The following SYT1 variants were observed in gnomAD, a reference collection of about 807,000 sequenced individuals.
The protein encoded by SYT1 is synaptotagmin-1.
A neutral mutation model predicts 44.8 loss-of-function variants in SYT1; 8 were observed. The observed-to-expected ratio is 0.18, with a 90% CI of 0.10 to 0.32. The LOEUF (loss-of-function observed/expected upper bound fraction) is 0.32. Among genes scored for constraint, SYT1 ranks in the 10% least tolerant of loss-of-function variants. The probability of loss-of-function intolerance (pLI) is 1.00; values close to 1 mark genes in which losing one functional copy is unlikely to be tolerated. For missense variants in SYT1, 286 were observed against 509.3 expected (o/e 0.56, Z 4.22); for synonymous variants, 154 against 188.8 (o/e 0.82, Z 1.51).
chr12:79,229,875 G>T (rs1255097446), intron 4 of SYT1, among the ~76,000 whole-genome samples: 1 of 152,042 alleles, frequency 6.6e-6, no homozygotes, highest in African/African-American at 2.4e-5. Context: ...AATTACAGGC[G>T]TGAGCCACCA....
At chr12:79,260,201 G>A (rs1877754462) in intron 4 of SYT1, among the ~76,000 whole-genome samples, 1 of 152,112 alleles carries the variant, frequency 6.6e-6, no homozygotes, top group Non-Finnish European at 1.5e-5. Context: ...TTGTTGTTCT[G>A]TGGCCCCTAA....
intron 5 of SYT1, among the ~76,000 whole-genome samples, chr12:79,286,925 C>T (rs1879341887): frequency 6.6e-6 from 1 of 152,106 alleles, no homozygotes; most frequent in African/African-American, 2.4e-5. Flanking sequence ...TCCCAAATAG[C>T]AAAATATATA....
chr12:78,987,810 G>A lies in SYT1; in HGVS notation c.-84+9879G>A, dbSNP rs117022563. Among the ~76,000 whole-genome samples, 170 of 152,166 alleles carry A rather than the reference G, an allele frequency of 1.1e-3. 1 individual carries two copies. The highest frequency in any genetic ancestry group is 2.3e-3 in the Admixed American group (35 of 15,234). On this transcript the variant is annotated intron_variant, in intron 2 of 10. Transcript: ENST00000261205. ...CTCTTCCGGAAGATAGAAGCAGAGG[G>A]AATACATCCTAACTCATTCTGTGAG...
intron 1 of SYT1, among the ~76,000 whole-genome samples, chr12:78,891,749 G>C (rs1400088338): frequency 1.3e-5 from 2 of 151,252 alleles, no homozygotes. Flanking sequence ...CAGGAGGAAG[G>C]ACACAAATCA....
chr12:79,175,133 T>TC (rs62741560), intron 3 of SYT1, among the ~76,000 whole-genome samples: 46,354 of 151,902 alleles, frequency 0.31, 8,925 homozygotes, highest in Admixed American at 0.44. Context: ...ATTTAGCCTG[T>TC]CCTCTATCAA....
At chr12:79,098,034 A>G (rs1878241267) in intron 3 of SYT1, among the ~76,000 whole-genome samples, 1 of 152,026 alleles carries the variant, frequency 6.6e-6, no homozygotes, top group Non-Finnish European at 1.5e-5. Context: ...GTTTTCTCCT[A>G]GTCTCTCTGG....
chr12:79,355,602 A>G (rs1234978285), intron 9 of SYT1, among the ~76,000 whole-genome samples: 1 of 152,216 alleles, frequency 6.6e-6, no homozygotes, highest in Non-Finnish European at 1.5e-5. Context: ...TAATGTAGAT[A>G]TGTCCAGCCT....
At chr12:79,063,946 T>C (rs1186944311) in intron 3 of SYT1, among the ~76,000 whole-genome samples, 2 of 152,172 alleles carry the variant, frequency 1.3e-5, no homozygotes, top group African/African-American at 2.4e-5. Context: ...CCCTCTCTTC[T>C]GTATTCTCAA....
At chr12:79,404,943 T>C (rs1885193949) in intron 9 of SYT1, among the ~76,000 whole-genome samples, 1 of 152,100 alleles carries the variant, frequency 6.6e-6, no homozygotes, top group Admixed American at 6.6e-5. Flanking sequence ...TGTATGTGAG[T>C]GAAGCTTCAG....
At chr12:79,327,872 G>A (rs1425861053) in intron 8 of SYT1, among the ~76,000 whole-genome samples, 1 of 152,152 alleles carries the variant, frequency 6.6e-6, no homozygotes, top group Non-Finnish European at 1.5e-5. Flanking sequence ...ATTGGAACAT[G>A]TAAAGAACAA....
chr12:79,150,163 A>T (rs764408493), intron 3 of SYT1, among the ~76,000 whole-genome samples: 1 of 152,096 alleles, frequency 6.6e-6, no homozygotes, highest in Non-Finnish European at 1.5e-5. Flanking sequence ...GAGAGCATTT[A>T]AAATCTACTC....
chr12:78,941,427 A>G (rs1350631695), intron 1 of SYT1, among the ~76,000 whole-genome samples: 3 of 142,880 alleles, frequency 2.1e-5, no homozygotes, highest in Admixed American at 7.0e-5. Context: ...ACACACACAC[A>G]CACACACATT....
intron 3 of SYT1, among the ~76,000 whole-genome samples, chr12:79,125,020 TGTTTG>T (rs1166421771): frequency 3.9e-5 from 6 of 152,008 alleles, no homozygotes; most frequent in Non-Finnish European, 7.4e-5. Context: ...TTGTGGGTTT[TGTTTG>T]GTTTGGTTTG....
chr12:79,170,572 T>G (rs2138347451), intron 3 of SYT1, among the ~76,000 whole-genome samples: 2 of 152,250 alleles, frequency 1.3e-5, no homozygotes, highest in South Asian at 4.1e-4. Context: ...TACATTTGTT[T>G]AAGTTCCTTA....
At chr12:79,373,593 TG>T (rs1160306808) in intron 9 of SYT1, among the ~76,000 whole-genome samples, 1 of 152,178 alleles carries the variant, frequency 6.6e-6, no homozygotes, top group Non-Finnish European at 1.5e-5. Context: ...GTTTTATAGA[TG>T]GTCACATCAA....
chr12:79,405,149 C>G (rs1885199801), intron 9 of SYT1, among the ~76,000 whole-genome samples: 1 of 152,152 alleles, frequency 6.6e-6, no homozygotes, highest in African/African-American at 2.4e-5. Flanking sequence ...TTAGCATTTT[C>G]TAAAGTATTG....
chr12:79,158,331 T>C (rs1030750955), intron 3 of SYT1, among the ~76,000 whole-genome samples: 16 of 152,040 alleles, frequency 1.1e-4, no homozygotes, highest in African/African-American at 3.9e-4. Context: ...CAGTTCACAA[T>C]AGGGTTGGCC....
chr12:79,386,503 C>T (rs943289651), intron 9 of SYT1, among the ~76,000 whole-genome samples: 31 of 152,062 alleles, frequency 2.0e-4, no homozygotes, highest in African/African-American at 7.0e-4. Flanking sequence ...CCTCTCCTAG[C>T]CCCCCAACCC....
chr12:79,386,287 G>GT (rs1225855345), intron 9 of SYT1, among the ~76,000 whole-genome samples: 1 of 142,292 alleles, frequency 7.0e-6, no homozygotes, highest in South Asian at 2.4e-4. Flanking sequence ...AATTACCAGG[G>GT]TTTTCCCCAA....
Sources: gnomAD v4.1 joint callset for allele counts (sites outside exome capture counted in the v4.1 genomes callset) on GRCh38, gnomAD v4.1.1 for gene constraint, MANE v1.5 for transcripts, NCBI Gene and HGNC (gene_info 2026-07-23, HGNC 2026-07-21) for gene names.